TNKS1BP1: variants seen among roughly 807,000 people sequenced by gnomAD.
TNKS1BP1 encodes 182 kDa tankyrase-1-binding protein.
In TNKS1BP1, 48 loss-of-function variants were observed where a neutral mutation model predicts 141.1. That is an observed-to-expected ratio of 0.34 (90% CI 0.27 to 0.43). The LOEUF is 0.43. Ranked by LOEUF, TNKS1BP1 falls within the 20% of genes least tolerant of loss-of-function variation. The probability of loss-of-function intolerance (pLI) is 1.00; values close to 1 mark genes in which losing one functional copy is unlikely to be tolerated. For synonymous variants in TNKS1BP1, 875 were observed against 898.2 expected (o/e 0.97, Z 0.46); for missense variants, 2,149 against 2,226.0 (o/e 0.97, Z 0.70).
Position 57,320,722 on chromosome 11 carries a change from G to A in TNKS1BP1, c.95-10C>T, listed in dbSNP as rs1327353395. The A allele has an allele frequency of 1.9e-6, 3 of 1,557,240 alleles. No individual in the cohort carries two copies. Among genetic ancestry groups the A allele is most frequent in the East Asian group, 2.3e-5 (1 of 44,108 alleles). On this transcript the variant is annotated splice_polypyrimidine_tract_variant and intron_variant, in intron 2 of 11. Transcript: ENST00000358252. ...TTGGCCCGAGTGTCACCTACCAAAA[G>A]GAAAGGGTTGGTGGGGGAGCTGTCA...
At chr11:57,314,042 G>C (rs2134365480) in intron 4 of TNKS1BP1, among the ~76,000 whole-genome samples, 153 bp from the exon 5 acceptor site, 1 of 152,256 alleles carries the variant, frequency 6.6e-6, no homozygotes. Flanking sequence ...AGCTGGGAGG[G>C]GCCCCACAGA....
At position 57,308,793 on chromosome 11, in the gene TNKS1BP1, C is replaced by A; in HGVS notation, c.3918G>T (p.Val1306=). 1 of 1,614,126 alleles carries A rather than the reference C, an allele frequency of 6.2e-7. No homozygotes were observed. Among genetic ancestry groups the A allele is most frequent in the East Asian group, 2.2e-5 (1 of 44,884 alleles). Residue 1306 remains valine (V), a synonymous_variant, in exon 6 of 12, where the codon GTG becomes GTT. Coordinates refer to ENST00000358252, the MANE Select transcript of TNKS1BP1 (RefSeq NM_033396.3). The part of the protein sequence containing the change: ...CSPGESKELG[V]GQMDWGNNLG... The stretch of plus-strand genomic sequence containing the variant: ...GATTGTTACCCCAGTCCATCTGGCC[C>A]ACCCCAAGCTCTTTGGACTCTCCAG...
Position 57,310,257 on chromosome 11 carries a change from G to A in TNKS1BP1, c.2454C>T (p.Leu818=). Reference sequence around the variant, plus strand: ...TTCCAACTACCCGGTCCTGGGCTGTGAGCACCCCTGGGGCAGACACTTTAC... The same window carrying A: ...TTCCAACTACCCGGTCCTGGGCTGTAAGCACCCCTGGGGCAGACACTTTAC... The part of the protein sequence containing the change: ...DQSKVSAPGV[L]TAQDRVVGKP... Residue 818 remains leucine, a synonymous_variant, in exon 6 of 12, where the codon CTC becomes CTT. Coordinates refer to ENST00000358252, the MANE Select transcript of TNKS1BP1 (RefSeq NM_033396.3). 1.2e-6 allele frequency: 2 copies of A among 1,614,092 alleles called. No homozygotes were observed. The highest frequency in any genetic ancestry group is 1.1e-5 in the South Asian group (1 of 91,080).
chr11:57,321,595 T>C (rs539686871), intron 2 of TNKS1BP1, among the ~76,000 whole-genome samples, 197 bp downstream of exon 2: 123 of 152,310 alleles, frequency 8.1e-4, no homozygotes, highest in African/African-American at 2.7e-3. Flanking sequence ...CTGTTGGAGA[T>C]TTATGATCCC....
At chr11:57,311,507 C>T in intron 5 of TNKS1BP1, 2 of 982,684 alleles carry the variant, frequency 2.0e-6, no homozygotes, top group Non-Finnish European at 2.4e-6. Context: ...CCCTCCGGAG[C>T]AGCTGCAGCT....
At position 57,302,720 on chromosome 11, in the gene TNKS1BP1, C is replaced by A. The variant is rs375474498; in HGVS notation, c.4422G>T (p.Ala1474=). ...SSKAVARRES[A]ASGLGGLLEE... ...CCAACAGGCCCCCAAGGCCCGAGGC[C>A]GCTGACTCCCTCCGAGCCACCGCCT... Residue 1474 remains alanine, a synonymous_variant, in exon 7 of 12, where the codon GCG becomes GCT. Transcript: ENST00000358252. The surrounding 1 kb of genome is among the most constrained non-coding windows in gnomAD (Gnocchi z 5.5). 1.3e-6 allele frequency: 2 copies of A among 1,598,352 alleles called. No homozygotes were observed. Among genetic ancestry groups the A allele is most frequent in the Non-Finnish European group, 1.7e-6 (2 of 1,175,992 alleles).
Position 57,302,261 on chromosome 11 carries a change from C to A in TNKS1BP1, c.4684-37G>T. On this transcript the variant is annotated intron_variant, in intron 7 of 11. Coordinates refer to ENST00000358252, the MANE Select transcript of TNKS1BP1 (RefSeq NM_033396.3). This position sits in a 1 kb window ranked among gnomAD's most constrained non-coding sequence, Gnocchi z 5.5. ...AATGGTGACACCACTGCCATTGCTG[C>A]CTCATCCCACGGGAGCCCCTCAACA... 1 of 1,588,736 alleles carries A rather than the reference C, an allele frequency of 6.3e-7. No individual in the cohort carries two copies. Among genetic ancestry groups the A allele is most frequent in the East Asian group, 2.3e-5 (1 of 44,074 alleles).
Position 57,309,218 on chromosome 11 carries a change from G to A in TNKS1BP1, c.3493C>T (p.Leu1165=). 6.2e-7 allele frequency: 1 copy of A among 1,614,146 alleles called. No homozygotes were observed. Among genetic ancestry groups the A allele is most frequent in the Non-Finnish European group, 8.5e-7 (1 of 1,180,036 alleles). ...GACACTTCCAAGTTCCTGAGACCCA[G>A]CTGGTCAGTCCAGTCCACCGAGCCA... ...TAGSVDWTDQ[L]GLRNLEVSSC... is the part of the protein sequence containing the mutation. The change falls in exon 6 of 12, where the codon CTG becomes TTG. Residue 1165 remains leucine, a synonymous_variant. Coordinates refer to ENST00000358252, the MANE Select transcript of TNKS1BP1 (RefSeq NM_033396.3). This position sits in a 1 kb window ranked among gnomAD's most constrained non-coding sequence, Gnocchi z 4.3.
At chr11:57,320,885 A>AT in intron 2 of TNKS1BP1, among the ~76,000 whole-genome samples, 173 bp from the exon 3 acceptor site, 1 of 152,178 alleles carries the variant, frequency 6.6e-6, no homozygotes. Flanking sequence ...TTCTACACAC[A>AT]TCCCCAAAGC....
chr11:57,304,163 G>A (rs911954602), intron 6 of TNKS1BP1, among the ~76,000 whole-genome samples: 2 of 152,070 alleles, frequency 1.3e-5, no homozygotes, highest in Non-Finnish European at 2.9e-5. Context: ...TACGCACAGA[G>A]GTGTGGGAAA....
In TNKS1BP1 at chr11:57,308,824, C is replaced by A; in HGVS notation, c.3887G>T (p.Cys1296Phe). Residue 1296 changes from cysteine to phenylalanine, a missense_variant, in exon 6 of 12, where the codon TGC (cysteine) becomes TTC (phenylalanine). Transcript: ENST00000358252. ...GLRNMAPGAV[C>F]SPGESKELGV... ...AAGCTCTTTGGACTCTCCAGGACTG[C>A]AGACTGCCCCTGGGGCCATGTTTCT... 6.2e-7 allele frequency: 1 copy of A among 1,614,160 alleles called. No individual in the cohort carries two copies. Among genetic ancestry groups the A allele is most frequent in the Non-Finnish European group, 8.5e-7 (1 of 1,180,028 alleles).
intron 10 of TNKS1BP1, 27 bp downstream of exon 10, chr11:57,300,857 C>T (rs760424989): frequency 1.7e-5 from 27 of 1,605,692 alleles, no homozygotes; most frequent in Middle Eastern, 1.7e-4. Flanking sequence ...GTGAGGTCAG[C>T]GGATGCCCAG....
At chr11:57,316,373 C>T (rs896631613) in intron 4 of TNKS1BP1, among the ~76,000 whole-genome samples, 8 of 152,170 alleles carry the variant, frequency 5.3e-5, no homozygotes, top group African/African-American at 1.2e-4. Flanking sequence ...CTGACAATTC[C>T]CAAGTGTTCC....
Position 57,313,210 on chromosome 11 carries a change from T to C in TNKS1BP1, c.1478A>G (p.Asp493Gly), listed in dbSNP as rs1855742129. 1 of 1,610,602 alleles carries C rather than the reference T, an allele frequency of 6.2e-7. No homozygotes were observed. The highest frequency in any genetic ancestry group is 8.5e-7 in the Non-Finnish European group (1 of 1,179,482). ...AGTGATGGGGGAGGGAGGCGGGGAG[T>C]CCAGCCGCCACACGCCCAGACCCGA... The part of the protein sequence containing the change: ...RPSGLGVWRL[D>G]SPPPSPITEA... The change falls in exon 5 of 12, where the codon GAC becomes GGC. Residue 493 changes from aspartate (D) to glycine (G), a missense_variant. Coordinates refer to ENST00000358252, the MANE Select transcript of TNKS1BP1 (RefSeq NM_033396.3).
At position 57,302,733 on chromosome 11, in the gene TNKS1BP1, C is replaced by T. The variant is rs941668273; in HGVS notation, c.4409G>A (p.Arg1470Gln). 114 of 1,591,370 alleles carry T rather than the reference C, an allele frequency of 7.2e-5. No homozygotes were observed. Among genetic ancestry groups the T allele is most frequent in the East Asian group, 1.1e-4 (5 of 44,216 alleles). The change falls in exon 7 of 12, where the codon CGG becomes CAG. Residue 1470 changes from arginine (R) to glutamine (Q), a missense_variant. Coordinates refer to ENST00000358252, the MANE Select transcript of TNKS1BP1 (RefSeq NM_033396.3). This position sits in a 1 kb window ranked among gnomAD's most constrained non-coding sequence, Gnocchi z 5.5. ...AAGGCCCGAGGCCGCTGACTCCCTC[C>T]GAGCCACCGCCTTGGAGCTGCTGGC... ...LAASSSKAVARRESAASGLGG... is the reference protein window; with the variant it reads ...LAASSSKAVAQRESAASGLGG...
At chr11:57,304,169 G>A (rs772678672) in intron 6 of TNKS1BP1, among the ~76,000 whole-genome samples, 30 of 152,192 alleles carry the variant, frequency 2.0e-4, no homozygotes, top group Middle Eastern at 6.8e-3. Flanking sequence ...CAGAGGTGTG[G>A]GAAAGCCTGG....
chr11:57,324,617 C>T (rs1855938672), intron 1 of TNKS1BP1, among the ~76,000 whole-genome samples: 1 of 148,680 alleles, frequency 6.7e-6, no homozygotes. Context: ...CCAGCACGAG[C>T]TCCAAGCCAT....
rs1283215376 is a variant in TNKS1BP1 at position 57,301,905 on chromosome 11, C to T, written c.4873G>A (p.Val1625Ile). The change falls in exon 9 of 12, where the codon GTA becomes ATA. Residue 1625 changes from valine (V) to isoleucine (I), a missense_variant. Physicochemically the swap from Val to Ile is conservative, Grantham distance 29. Coordinates refer to ENST00000358252, the MANE Select transcript of TNKS1BP1 (RefSeq NM_033396.3). ...CGGCGGCTCTGAGGTTCCTCCACTA[C>T]CTCTTCATCTGAAGATGGCACCCGA... Reference protein sequence around the residue: ...ASRVPSSDEEVVEEPQSRRTR... With the variant: ...ASRVPSSDEEIVEEPQSRRTR... 4 of 1,613,990 alleles carry T rather than the reference C, an allele frequency of 2.5e-6. No individual in the cohort carries two copies. Among genetic ancestry groups the T allele is most frequent in the Non-Finnish European group, 3.4e-6 (4 of 1,180,040 alleles).
chr11:57,306,903 T>A (rs1041046917), intron 6 of TNKS1BP1, among the ~76,000 whole-genome samples: 1 of 70,174 alleles, frequency 1.4e-5, no homozygotes. Flanking sequence ...GCTGTGGTGG[T>A]GGGGGGGGGG....
Sources: gnomAD v4.1 joint callset for allele counts (sites outside exome capture counted in the v4.1 genomes callset) on GRCh38, gnomAD v4.1.1 for gene constraint, Gnocchi (gnomAD v3.1) non-coding constraint, MANE v1.5 for transcripts, NCBI Gene and HGNC (gene_info 2026-07-23, HGNC 2026-07-21) for gene names.